Variants in ZNF599 observed in about 807,000 individuals in gnomAD.
ZNF599 encodes zinc finger protein 599.
A neutral mutation model predicts 11.7 loss-of-function variants in ZNF599; 10 were observed. The ratio of observed to expected loss-of-function variants is 0.86; its 90% CI spans 0.53 to 1.45. The LOEUF is 1.45. Among genes scored for constraint, ZNF599 ranks in the 40% most tolerant of loss-of-function variants. The pLI is 0.00. For missense variants in ZNF599, 688 were observed against 713.6 expected (o/e 0.96, Z 0.41); for synonymous variants, 232 against 253.2 (o/e 0.92, Z 0.79).
At chr19:34,781,624 C>T in the ZNF599 span, among the ~76,000 whole-genome samples, 2 of 152,210 alleles carry the variant, frequency 1.3e-5, no homozygotes, top group South Asian at 4.1e-4. Flanking sequence ...GAGGCTTTAA[C>T]AGTGCCGTGA....
chr19:34,760,629 T>C (rs1205514887), intron 3 of ZNF599, 70 bp from the exon 4 acceptor site: 18 of 1,354,486 alleles, frequency 1.3e-5, no homozygotes, highest in Non-Finnish European at 1.8e-5. Context: ...ATCACCACTT[T>C]AGCAGAAGAA....
the ZNF599 span, among the ~76,000 whole-genome samples, chr19:34,790,109 T>C: frequency 6.6e-6 from 1 of 152,248 alleles, no homozygotes; most frequent in African/African-American, 2.4e-5. Flanking sequence ...GAAGAGACTG[T>C]CCTTTTCCCA....
intron 3 of ZNF599, among the ~76,000 whole-genome samples, chr19:34,761,616 G>T (rs555309676): frequency 6.6e-6 from 1 of 152,182 alleles, no homozygotes; most frequent in Admixed American, 6.5e-5. Context: ...ATGAAATAGA[G>T]AACTCAGAAA....
intron 1 of ZNF599, 163 bp downstream of exon 1, chr19:34,772,661 A>C: frequency 7.0e-7 from 1 of 1,423,696 alleles, no homozygotes; most frequent in Non-Finnish European, 9.2e-7. Context: ...CCTGGGTAGG[A>C]AGTGATTAGC....
upstream of ZNF599, among the ~76,000 whole-genome samples, chr19:34,773,714 C>T (rs1222674628): frequency 1.3e-5 from 2 of 152,068 alleles, no homozygotes; most frequent in African/African-American, 4.8e-5. Context: ...GGGGTGGGAC[C>T]CAGCCCTCTG....
At chr19:34,782,895 C>T in the ZNF599 span, among the ~76,000 whole-genome samples, 1 of 152,180 alleles carries the variant, frequency 6.6e-6, no homozygotes, top group Non-Finnish European at 1.5e-5. Flanking sequence ...CTATTGACTC[C>T]ATGACTGTCT....
intron 2 of ZNF599, among the ~76,000 whole-genome samples, 185 bp downstream of exon 2, chr19:34,769,244 T>G (rs1427187679): frequency 6.6e-6 from 1 of 152,164 alleles, no homozygotes; most frequent in Non-Finnish European, 1.5e-5. Flanking sequence ...AGGACTGTGT[T>G]TCTTACATAA....
In ZNF599 at chr19:34,759,863, C is replaced by T. The variant is rs1196815831; in HGVS notation, c.938G>A (p.Cys313Tyr). The change falls in exon 4 of 4, where the codon TGC becomes TAC. Residue 313 changes from cysteine (C) to tyrosine (Y), a missense_variant. Transcript: ENST00000329285. ...MTHTREKPFL[C>Y]KECGKAFYYS... ...GTAAAAAGCTTTCCCACATTCTTTG[C>T]ATAAAAAGGGTTTTTCTCGAGTGTG... 1.2e-6 allele frequency: 2 copies of T among 1,614,006 alleles called. No homozygotes were observed. Among genetic ancestry groups the T allele is most frequent in the Non-Finnish European group, 1.7e-6 (2 of 1,180,026 alleles).
the ZNF599 span, among the ~76,000 whole-genome samples, chr19:34,790,072 T>C: frequency 6.6e-6 from 1 of 152,218 alleles, no homozygotes; most frequent in Non-Finnish European, 1.5e-5. Context: ...TGCATGTGAA[T>C]AGCCATGTTT....
In ZNF599 at chr19:34,759,436, T is replaced by G. The variant is rs139214137; in HGVS notation, c.1365A>C (p.Glu455Asp). Residue 455 changes from glutamate to aspartate, a missense_variant, in exon 4 of 4, where the codon GAA becomes GAC. Coordinates refer to ENST00000329285, the MANE Select transcript of ZNF599 (RefSeq NM_001007248.3). Reference protein sequence around the residue: ...HTGEKPYECSECGKAFTHHSV... With the variant: ...HTGEKPYECSDCGKAFTHHSV... ...AGTGGTGTGTAAAAGCCTTTCCACA[T>G]TCACTGCACTCATAAGGCTTCTCAC... is the stretch of plus-strand genomic sequence containing the variant. 9 of 1,614,174 alleles carry G rather than the reference T, an allele frequency of 5.6e-6. No homozygotes were observed. In the African/African-American group the frequency reaches 9.3e-5, roughly 17 times the overall value.
chr19:34,804,932 C>T, the ZNF599 span, among the ~76,000 whole-genome samples: 5 of 152,264 alleles, frequency 3.3e-5, no homozygotes, highest in Middle Eastern at 3.4e-3. Context: ...ATAGTGTTAT[C>T]GGTATTGCAC....
the ZNF599 span, among the ~76,000 whole-genome samples, chr19:34,785,042 G>T: frequency 1.3e-5 from 2 of 149,356 alleles, no homozygotes; most frequent in Non-Finnish European, 3.0e-5. Context: ...TCTACTCAGG[G>T]GCCCCTGGAC....
At chr19:34,774,794 T>C (rs2069209076), upstream of ZNF599, among the ~76,000 whole-genome samples, 1 of 152,170 alleles carries the variant, frequency 6.6e-6, no homozygotes. Flanking sequence ...ATCTGAATGT[T>C]AAGATCTCAG....
the ZNF599 span, among the ~76,000 whole-genome samples, chr19:34,799,555 C>T: frequency 6.6e-6 from 1 of 152,154 alleles, no homozygotes; most frequent in Admixed American, 6.5e-5. Context: ...TTTGTGTGAA[C>T]TTAAGTTCAA....
At chr19:34,769,238 C>T (rs1462590211) in intron 2 of ZNF599, among the ~76,000 whole-genome samples, 191 bp downstream of exon 2, 1 of 152,200 alleles carries the variant, frequency 6.6e-6, no homozygotes, top group Non-Finnish European at 1.5e-5. Flanking sequence ...TTGAGGAGGA[C>T]TGTGTTTCTT....
chr19:34,779,721 C>T, the ZNF599 span: 1 of 285,376 alleles, frequency 3.5e-6, no homozygotes, highest in Non-Finnish European at 6.8e-6. Flanking sequence ...ACAGACTTTT[C>T]TTTAGTGTGA....
At chr19:34,774,837 G>A (rs1362008318), upstream of ZNF599, among the ~76,000 whole-genome samples, 1 of 152,126 alleles carries the variant, frequency 6.6e-6, no homozygotes, top group Admixed American at 6.5e-5. Flanking sequence ...CCAGATTTTG[G>A]GTGGGGATGC....
upstream of ZNF599, chr19:34,773,221 C>G (rs1452853662): frequency 4.1e-6 from 1 of 246,418 alleles, no homozygotes; most frequent in Non-Finnish European, 7.8e-6. Context: ...CGCCGGAAGT[C>G]CCGCCCACGC....
At chr19:34,778,661 T>C in the ZNF599 span, among the ~76,000 whole-genome samples, 1 of 152,178 alleles carries the variant, frequency 6.6e-6, no homozygotes, top group Non-Finnish European at 1.5e-5. Context: ...AATTTAAAAG[T>C]ATGTTGTGTC....
Sources: gnomAD v4.1 joint callset for allele counts (sites outside exome capture counted in the v4.1 genomes callset) on GRCh38, gnomAD v4.1.1 for gene constraint, MANE v1.5 for transcripts, NCBI Gene and HGNC (gene_info 2026-07-23, HGNC 2026-07-21) for gene names.